The following PTPRG variants were observed in gnomAD, a reference collection of about 807,000 sequenced individuals.
PTPRG encodes the protein receptor-type tyrosine-protein phosphatase gamma.
PTPRG carries 102 observed loss-of-function variants against 165.3 expected under a neutral mutation model. That is an observed-to-expected ratio of 0.62 (90% CI 0.53 to 0.73). The LOEUF is 0.73. PTPRG is among the 30% of genes least tolerant of loss of function. PTPRG has a pLI of 0.00. For missense variants in PTPRG, 1,866 were observed against 1,861.4 expected (o/e 1.00, Z -0.05); for synonymous variants, 675 against 669.5 (o/e 1.01, Z -0.13).
intron 5 of PTPRG, among the ~76,000 whole-genome samples, chr3:62,125,312 A>G (rs1369373006): frequency 6.6e-6 from 1 of 152,164 alleles, no homozygotes; most frequent in Non-Finnish European, 1.5e-5. Flanking sequence ...CTTGTCTCTT[A>G]TATTTTTCAT....
chr3:62,187,815 C>T (rs1039610545), intron 8 of PTPRG, among the ~76,000 whole-genome samples: 2 of 152,178 alleles, frequency 1.3e-5, no homozygotes, highest in African/African-American at 4.8e-5. Flanking sequence ...AGCTCCTCAG[C>T]CTGCAAAGCC....
At chr3:61,658,265 T>C (rs777292317) in intron 1 of PTPRG, among the ~76,000 whole-genome samples, 1 of 152,156 alleles carries the variant, frequency 6.6e-6, no homozygotes, top group Non-Finnish European at 1.5e-5. Flanking sequence ...TCAGGACTGG[T>C]CACACTGCAG....
intron 2 of PTPRG, among the ~76,000 whole-genome samples, chr3:61,973,187 T>A (rs2040422674): frequency 6.6e-6 from 1 of 152,192 alleles, no homozygotes; most frequent in Admixed American, 6.5e-5. Context: ...AAAACGGTTA[T>A]TTTATATTGC....
chr3:62,280,142 C>G (rs192750577), intron 26 of PTPRG, among the ~76,000 whole-genome samples: 1 of 152,046 alleles, frequency 6.6e-6, no homozygotes, highest in Non-Finnish European at 1.5e-5. Flanking sequence ...GTTATCCCCT[C>G]TTGAAATATA....
At chr3:61,661,649 G>A (rs1702671813) in intron 1 of PTPRG, among the ~76,000 whole-genome samples, 1 of 151,948 alleles carries the variant, frequency 6.6e-6, no homozygotes, top group Admixed American at 6.6e-5. Flanking sequence ...TTTTTAACTT[G>A]GATAAAGAGC....
At chr3:62,094,627 A>G (rs1702049075) in intron 5 of PTPRG, among the ~76,000 whole-genome samples, 1 of 152,218 alleles carries the variant, frequency 6.6e-6, no homozygotes, top group Non-Finnish European at 1.5e-5. Flanking sequence ...ATTCTGTGCC[A>G]GGATGTACCA....
chr3:62,071,564 A>C (rs145590750), intron 4 of PTPRG, among the ~76,000 whole-genome samples: 2 of 152,334 alleles, frequency 1.3e-5, no homozygotes, highest in East Asian at 3.9e-4. Flanking sequence ...TTGGCACTCA[A>C]AAATAAAGTT....
At chr3:61,600,352 G>A (rs1475051101) in intron 1 of PTPRG, among the ~76,000 whole-genome samples, 1 of 151,948 alleles carries the variant, frequency 6.6e-6, no homozygotes, top group African/African-American at 2.4e-5. Context: ...TTTCAGTCAA[G>A]CTCAGTGGGC....
At chr3:62,128,191 C>T (rs143234791) in intron 5 of PTPRG, among the ~76,000 whole-genome samples, 9 of 152,162 alleles carry the variant, frequency 5.9e-5, no homozygotes, top group Non-Finnish European at 5.9e-5. Flanking sequence ...GTGCCAGGAG[C>T]GAAGTTTTGC....
chr3:61,567,857 G>A (rs1023942021), intron 1 of PTPRG, among the ~76,000 whole-genome samples: 2 of 149,744 alleles, frequency 1.3e-5, no homozygotes, highest in African/African-American at 4.9e-5. Flanking sequence ...GGTGGTATGC[G>A]CCTGTAGTTC....
chr3:62,243,438 T>C (rs182141943), intron 14 of PTPRG: 2 of 157,954 alleles, frequency 1.3e-5, no homozygotes, highest in Non-Finnish European at 2.8e-5. Context: ...GTGCTGGGGA[T>C]TTAGAATAGC....
At chr3:62,075,067 G>A (rs754186823) in intron 4 of PTPRG, among the ~76,000 whole-genome samples, 7 of 152,210 alleles carry the variant, frequency 4.6e-5, no homozygotes, top group Non-Finnish European at 8.8e-5. Context: ...TCAGACCTGT[G>A]CTACTGTCCT....
At chr3:62,157,357 T>A (rs1258470806) in intron 7 of PTPRG, 133 bp downstream of exon 7, 1 of 940,094 alleles carries the variant, frequency 1.1e-6, no homozygotes, top group Non-Finnish European at 1.5e-6. Flanking sequence ...CTGCAGTCTT[T>A]CCCACAAACA....
At chr3:61,617,669 T>C (rs1416492716) in intron 1 of PTPRG, among the ~76,000 whole-genome samples, 1 of 152,200 alleles carries the variant, frequency 6.6e-6, no homozygotes, top group East Asian at 1.9e-4. Flanking sequence ...GAGGCTCGGC[T>C]CCAGCAAGGG....
chr3:62,076,280 C>G (rs1307406255), intron 4 of PTPRG, among the ~76,000 whole-genome samples: 2 of 151,896 alleles, frequency 1.3e-5, no homozygotes, highest in African/African-American at 4.8e-5. Context: ...AAATGAGACC[C>G]TATCTTAGAA....
At chr3:61,740,986 A>G (rs6769656) in intron 1 of PTPRG, among the ~76,000 whole-genome samples, 4 of 152,202 alleles carry the variant, frequency 2.6e-5, no homozygotes, top group Admixed American at 6.5e-5. Flanking sequence ...CACCGAGCAC[A>G]TTTTACTACA....
intron 2 of PTPRG, among the ~76,000 whole-genome samples, chr3:61,908,046 A>G (rs1380733692): frequency 6.7e-6 from 1 of 149,804 alleles, no homozygotes; most frequent in Non-Finnish European, 1.5e-5. Flanking sequence ...GCTTGAGCCC[A>G]AGAGTTCGAG....
chr3:62,262,632 C>T, intron 16 of PTPRG, 166 bp from the exon 17 acceptor site: 1 of 471,402 alleles, frequency 2.1e-6, no homozygotes, highest in Non-Finnish European at 3.8e-6. Context: ...TTTTCACATT[C>T]TTCATAAACT....
At chr3:61,587,648 AT>A (rs958013394) in intron 1 of PTPRG, among the ~76,000 whole-genome samples, 4 of 152,156 alleles carry the variant, frequency 2.6e-5, no homozygotes, top group African/African-American at 7.2e-5. Flanking sequence ...TTTTCATTTT[AT>A]CTTATTTTAT....
Sources: gnomAD v4.1 joint callset for allele counts (sites outside exome capture counted in the v4.1 genomes callset) on GRCh38, gnomAD v4.1.1 for gene constraint, MANE v1.5 for transcripts, NCBI Gene and HGNC (gene_info 2026-07-23, HGNC 2026-07-21) for gene names.